Variants in MEGF11 observed in about 807,000 individuals in gnomAD.
The protein encoded by MEGF11 is multiple EGF like domains 11, also known as multiple epidermal growth factor-like domains protein 11.
Under a neutral mutation model 146.6 loss-of-function variants are expected in MEGF11, and 126 were observed. The observed-to-expected ratio is 0.86, with a 90% CI of 0.74 to 1.00. The LOEUF (loss-of-function observed/expected upper bound fraction) is 1.00, where lower values mean the gene tolerates loss of function less well. Ranked by LOEUF, MEGF11 falls within the 50% of genes least tolerant of loss-of-function variation. MEGF11 has a pLI of 0.00. For synonymous variants in MEGF11, 532 were observed against 583.4 expected, an observed-to-expected ratio of 0.91 and a Z score of 1.27; for missense variants, 1,509 against 1,521.2, an observed-to-expected ratio of 0.99 and a Z score of 0.13.
At chr15:65,917,655 C>G (rs540970252) in intron 16 of MEGF11, among the ~76,000 whole-genome samples, 2 of 152,304 alleles carry the variant, frequency 1.3e-5, no homozygotes, top group South Asian at 4.1e-4. Context: ...CATGCTGTTG[C>G]ACCACCTCTT....
chr15:66,224,359 G>A (rs2091801093), intron 1 of MEGF11, among the ~76,000 whole-genome samples: 1 of 152,074 alleles, frequency 6.6e-6, no homozygotes, highest in African/African-American at 2.4e-5. Flanking sequence ...TGGATCACTT[G>A]AGGCCGGGAG....
At chr15:65,960,741 A>T (rs2080828940) in intron 9 of MEGF11, among the ~76,000 whole-genome samples, 1 of 152,240 alleles carries the variant, frequency 6.6e-6, no homozygotes, top group South Asian at 2.1e-4. Context: ...GCTGGAGCTC[A>T]TCCATTACAC....
At chr15:65,956,338 G>T (rs141643612) in intron 10 of MEGF11, among the ~76,000 whole-genome samples, 2 of 152,192 alleles carry the variant, frequency 1.3e-5, no homozygotes, top group Non-Finnish European at 2.9e-5. Context: ...ACCTGCAAGT[G>T]AACAAGGACC....
At chr15:66,078,944 C>T (rs955867692) in intron 5 of MEGF11, among the ~76,000 whole-genome samples, 1 of 152,214 alleles carries the variant, frequency 6.6e-6, no homozygotes, top group East Asian at 1.9e-4. Flanking sequence ...CCCGAGTACA[C>T]AGTTCACTCG....
chr15:66,248,986 G>T lies in MEGF11; in HGVS notation c.-9+4619C>A, dbSNP rs532862642. Among the ~76,000 whole-genome samples, 35 of 152,268 alleles carry T rather than the reference G, an allele frequency of 2.3e-4. No individual in the cohort carries two copies. The East Asian group carries it at 6.2e-3, about 27-fold the overall frequency. ...CGTTTAGGAGAACAACTCTTTTATG[G>T]TTCTTTTCTTTTGGGTCTAATTAAC... On this transcript the variant is annotated intron_variant, in intron 1 of 25. Coordinates refer to ENST00000395614, the MANE Select transcript of MEGF11 (RefSeq NM_001385028.1).
chr15:66,040,927 C>T (rs200852587), intron 5 of MEGF11, among the ~76,000 whole-genome samples: 108 of 74,060 alleles, frequency 1.5e-3, no homozygotes, highest in African/African-American at 3.4e-3. Flanking sequence ...TTTTTTTTTT[C>T]CCCCCCGGTT....
intron 7 of MEGF11, among the ~76,000 whole-genome samples, chr15:65,973,932 G>GT (rs1480876815): frequency 6.6e-6 from 1 of 152,148 alleles, no homozygotes; most frequent in Non-Finnish European, 1.5e-5. Context: ...TATTAGCCTT[G>GT]TGGTATTATA....
intron 1 of MEGF11, among the ~76,000 whole-genome samples, chr15:66,173,670 G>A (rs2090320507): frequency 6.6e-6 from 1 of 152,102 alleles, no homozygotes. Flanking sequence ...TCCTATAGCT[G>A]TGAACTGCCT....
chr15:66,121,600 GAA>G (rs2088028277), intron 3 of MEGF11, among the ~76,000 whole-genome samples: 1 of 152,168 alleles, frequency 6.6e-6, no homozygotes, highest in Non-Finnish European at 1.5e-5. Context: ...AATTCAGATA[GAA>G]AACACACAAC....
chr15:65,972,044 G>A (rs1308323626), intron 7 of MEGF11, among the ~76,000 whole-genome samples: 5 of 151,992 alleles, frequency 3.3e-5, no homozygotes, highest in African/African-American at 4.8e-5. Context: ...TAAAATGGTG[G>A]AAATTAAAAT....
chr15:66,141,776 T>C (rs1240931109), intron 1 of MEGF11, among the ~76,000 whole-genome samples: 3 of 152,150 alleles, frequency 2.0e-5, no homozygotes, highest in Admixed American at 6.5e-5. Context: ...TCCTGAACCA[T>C]GTTAGGTCAC....
At chr15:66,251,172 G>A (rs1260392997) in intron 1 of MEGF11, among the ~76,000 whole-genome samples, 1 of 152,176 alleles carries the variant, frequency 6.6e-6, no homozygotes, top group Non-Finnish European at 1.5e-5. Flanking sequence ...AAGGCCCAGT[G>A]CTCATTGGCC....
At chr15:66,111,176 A>G (rs752459564) in intron 4 of MEGF11, among the ~76,000 whole-genome samples, 1 of 152,224 alleles carries the variant, frequency 6.6e-6, no homozygotes. Flanking sequence ...TCTCCAGTCT[A>G]CTGAGCAGAT....
chr15:65,955,501 T>C (rs943104835), intron 10 of MEGF11, among the ~76,000 whole-genome samples: 6 of 150,086 alleles, frequency 4.0e-5, no homozygotes, highest in African/African-American at 1.5e-4. Context: ...CTCAGCACTT[T>C]GGGAGGCCAA....
chr15:66,062,448 T>G (rs1033255363), intron 5 of MEGF11, among the ~76,000 whole-genome samples: 1 of 152,070 alleles, frequency 6.6e-6, no homozygotes, highest in Non-Finnish European at 1.5e-5. Flanking sequence ...AGGAGTTGAG[T>G]GTAGCTCCTG....
At chr15:66,157,977 A>C (rs1221915436) in intron 1 of MEGF11, among the ~76,000 whole-genome samples, 2 of 152,260 alleles carry the variant, frequency 1.3e-5, no homozygotes, top group Non-Finnish European at 2.9e-5. Flanking sequence ...ATTTTAAATT[A>C]ATCCATGAAT....
intron 5 of MEGF11, among the ~76,000 whole-genome samples, chr15:66,088,926 G>C (rs1252038580): frequency 1.3e-5 from 2 of 152,174 alleles, no homozygotes; most frequent in Non-Finnish European, 2.9e-5. Flanking sequence ...GGTGATGTTT[G>C]CACAACAATG....
intron 24 of MEGF11, among the ~76,000 whole-genome samples, chr15:65,901,491 A>G (rs1248167357): frequency 6.6e-6 from 1 of 151,996 alleles, no homozygotes; most frequent in Non-Finnish European, 1.5e-5. Flanking sequence ...TATAATTCCT[A>G]ATGTTAGTAA....
At chr15:66,055,437 A>G (rs993616366) in intron 5 of MEGF11, among the ~76,000 whole-genome samples, 4 of 152,266 alleles carry the variant, frequency 2.6e-5, no homozygotes, top group Non-Finnish European at 5.9e-5. Flanking sequence ...AATGTCATGT[A>G]CAAGGAGATA....
Sources: gnomAD v4.1 joint callset for allele counts (sites outside exome capture counted in the v4.1 genomes callset) on GRCh38, gnomAD v4.1.1 for gene constraint, MANE v1.5 for transcripts, NCBI Gene and HGNC (gene_info 2026-07-23, HGNC 2026-07-21) for gene names.